BPIFA1: variants seen among roughly 807,000 people sequenced by gnomAD.
The protein encoded by BPIFA1 is BPI fold-containing family A member 1.
BPIFA1 carries 24 observed loss-of-function variants against 25.1 expected under a neutral mutation model. That is an observed-to-expected ratio of 0.96 (90% CI 0.69 to 1.35). The LOEUF is 1.35. Among genes scored for constraint, BPIFA1 ranks in the 40% most tolerant of loss-of-function variants. The pLI is 0.00. For missense variants in BPIFA1, 344 were observed against 303.7 expected (o/e 1.13, Z -0.99); for synonymous variants, 139 against 131.8 (o/e 1.05, Z -0.37).
chr20:33,239,307 T>C lies in BPIFA1; in HGVS notation c.321-496T>C, dbSNP rs544407447. The stretch of plus-strand genomic sequence containing the variant: ...GCCACCTGACAGGGTGAGTGATTCT[T>C]ACCCATAAATGTTTGTGCAGATTTA... On this transcript the variant is annotated intron_variant, in intron 3 of 8. Transcript: ENST00000354297. Among the ~76,000 whole-genome samples the C allele has an allele frequency of 4.6e-5, 7 of 152,344 alleles. No individual in the cohort carries two copies. In the South Asian group the frequency reaches 8.3e-4, roughly 18 times the overall value.
In BPIFA1 at chr20:33,239,837, G is replaced by A. The variant is rs551074214; in HGVS notation, c.355G>A (p.Gly119Ser). 6.2e-7 allele frequency: 1 copy of A among 1,614,204 alleles called. No homozygotes were observed. The highest frequency in any genetic ancestry group is 2.2e-5 in the East Asian group (1 of 44,888). ...CACTGACCCCCAGCTGCTGGAACTT[G>A]GCCTTGTGCAGAGCCCTGATGGCCA... ...KVTDPQLLEL[G>S]LVQSPDGHRL... The change falls in exon 4 of 9, where the codon GGC (glycine) becomes AGC (serine). Residue 119 changes from glycine to serine, a missense_variant. Physicochemically the swap from Gly to Ser is moderately conservative, Grantham distance 56 (BLOSUM62 0). Transcript: ENST00000354297.
chr20:33,237,910 GT>G, intron 2 of BPIFA1, 39 bp downstream of exon 2: 1 of 539,024 alleles, frequency 1.9e-6, no homozygotes, highest in South Asian at 3.5e-5. Context: ...GTGTGTGTGT[GT>G]GTGTGTGTGT....
chr20:33,242,465 T>G (rs1568632580), intron 7 of BPIFA1, 22 bp from the exon 8 acceptor site: 2 of 1,613,798 alleles, frequency 1.2e-6, no homozygotes, highest in Non-Finnish European at 8.5e-7. Context: ...TCTGTTTTTT[T>G]ATTGCTTGTT....
chr20:33,241,753 G>A (rs1978988303), intron 6 of BPIFA1, among the ~76,000 whole-genome samples: 1 of 152,128 alleles, frequency 6.6e-6, no homozygotes, highest in Non-Finnish European at 1.5e-5. Context: ...AGCCTTCTAT[G>A]GCCACAGACA....
rs1002910272 is a variant in BPIFA1 at position 33,241,477 on chromosome 20, G to A, written c.666+8G>A. ...GAGTTGGTTCAGGGCAACGTAAGTA[G>A]GCAAGGTGGGGATCCCCTGATCCTC... On this transcript the variant is annotated splice_region_variant and intron_variant, in intron 6 of 8. Coordinates refer to ENST00000354297, the MANE Select transcript of BPIFA1 (RefSeq NM_130852.3). The A allele has an allele frequency of 4.4e-6, 7 of 1,604,736 alleles. No homozygotes were observed. The South Asian group carries it at 4.4e-5, about 10-fold the overall frequency.
At chr20:33,242,408 C>T in intron 7 of BPIFA1, 79 bp from the exon 8 acceptor site, 3 of 1,543,786 alleles carry the variant, frequency 1.9e-6, no homozygotes, top group Non-Finnish European at 2.7e-6. Flanking sequence ...CCCTGGCCCC[C>T]CACCTTGAGG....
chr20:33,238,349 G>A lies in BPIFA1; in HGVS notation c.320+135G>A, dbSNP rs1269680395. 3.8e-6 allele frequency: 4 copies of A among 1,052,224 alleles called. No individual in the cohort carries two copies. The Admixed American group carries it at 1.1e-4, about 30-fold the overall frequency. 65.2% of individuals were successfully genotyped at this position (1,052,224 alleles called of 1,614,324 possible). The stretch of plus-strand genomic sequence containing the variant: ...GGCCTGAAGATGGAGCCAGGACTCA[G>A]TTCTGAGACCCATCTCCAGTTTGGC... On this transcript the variant is annotated intron_variant, in intron 3 of 8. Transcript: ENST00000354297.
At chr20:33,238,657 G>A (rs950601161) in intron 3 of BPIFA1, among the ~76,000 whole-genome samples, 2 of 152,186 alleles carry the variant, frequency 1.3e-5, no homozygotes, top group Non-Finnish European at 2.9e-5. Context: ...TTAGAACACA[G>A]ACGGCCTTTG....
chr20:33,238,357 A>C, intron 3 of BPIFA1, 143 bp downstream of exon 3: 1 of 994,002 alleles, frequency 1.0e-6, no homozygotes, highest in Non-Finnish European at 1.4e-6. Flanking sequence ...CAGTTCTGAG[A>C]CCCATCTCCA....
chr20:33,239,626 A>G (rs764969966), intron 3 of BPIFA1, among the ~76,000 whole-genome samples, 177 bp from the exon 4 acceptor site: 16 of 152,184 alleles, frequency 1.1e-4, no homozygotes, highest in Non-Finnish European at 2.1e-4. Context: ...GAGGCTGGAA[A>G]AGACCTAGTG....
chr20:33,241,254 G>T (rs537062373), intron 5 of BPIFA1, 131 bp from the exon 6 acceptor site: 2 of 814,558 alleles, frequency 2.5e-6, no homozygotes, highest in Non-Finnish European at 2.1e-6. Context: ...TGGCCTGCAC[G>T]TGGGTGTAGA....
rs776665784 is a variant in BPIFA1, at chr20:33,241,488, G to GA, written c.666+20dup. 72 of 1,589,618 alleles carry GA rather than the reference G, an allele frequency of 4.5e-5. No homozygotes were observed. The African/African-American group carries it at 9.0e-4, about 20-fold the overall frequency. On this transcript the variant is annotated intron_variant, in intron 6 of 8. Transcript: ENST00000354297. ...GGGCAACGTAAGTAGGCAAGGTGGG[G>GA]ATCCCCTGATCCTCAGGTTTTAGAG... is the stretch of plus-strand genomic sequence containing the variant.
In BPIFA1 at chr20:33,239,810, G is replaced by A. The variant is rs372326541; in HGVS notation, c.328G>A (p.Val110Ile). The A allele has an allele frequency of 1.9e-6, 3 of 1,613,910 alleles. No individual in the cohort carries two copies. The African/African-American group carries it at 4.0e-5, about 22-fold the overall frequency. Residue 110 changes from valine to isoleucine, a missense_variant, in exon 4 of 9, where the codon GTC (valine) becomes ATC (isoleucine). Coordinates refer to ENST00000354297, the MANE Select transcript of BPIFA1 (RefSeq NM_130852.3). ...ATATTACTCCCTGGACAGCATAAAG[G>A]TCACTGACCCCCAGCTGCTGGAACT... ...PGLNNIIDIK[V>I]TDPQLLELGL...
At chr20:33,238,287 T>TGACCCTGAAGCAGC (rs1225002711) in intron 3 of BPIFA1, 73 bp downstream of exon 3, 10 of 856,966 alleles carry the variant, frequency 1.2e-5, no homozygotes, top group African/African-American at 6.2e-5. Context: ...CCCCAGGCAG[T>TGACCCTGAAGCAGC]GACCCTGAAG....
rs757621515 is a variant in BPIFA1 at position 33,238,111 on chromosome 20, C to G, written c.217C>G (p.Leu73Val). ...GTTGGGCATTCTGGAAAACCTTCCG[C>G]TCCTGGACATCCTGAAGCCTGGAGG... The part of the protein sequence containing the change: ...GLLGILENLP[L>V]LDILKPGGGT... Residue 73 changes from leucine (L) to valine (V), a missense_variant, in exon 3 of 9, where the codon CTC (leucine) becomes GTC (valine). Transcript: ENST00000354297. 1.1e-5 allele frequency: 18 copies of G among 1,613,930 alleles called. No individual in the cohort carries two copies. In the South Asian group the frequency reaches 2.0e-4, roughly 18 times the overall value.
intron 5 of BPIFA1, 75 bp downstream of exon 5, chr20:33,240,460 G>T: frequency 6.5e-7 from 1 of 1,546,890 alleles, no homozygotes; most frequent in South Asian, 1.2e-5. Context: ...GGAAAGCTGA[G>T]ACAATGAGAG....
At chr20:33,242,593 G>T (rs563479994) in intron 8 of BPIFA1, 32 bp downstream of exon 8, 4 of 1,532,862 alleles carry the variant, frequency 2.6e-6, no homozygotes, top group East Asian at 4.5e-5. Flanking sequence ...CCAGGGTTTT[G>T]GGGGCTGGCT....
In BPIFA1 at chr20:33,241,463, G is replaced by A. The variant is rs772213279; in HGVS notation, c.660G>A (p.Gln220=). The A allele has an allele frequency of 4.3e-6, 7 of 1,612,998 alleles. No individual in the cohort carries two copies. The highest frequency in any genetic ancestry group is 1.7e-5 in the Admixed American group (1 of 60,014). Residue 220 remains glutamine (Q), a synonymous_variant, in exon 6 of 9, where the codon CAG becomes CAA. Coordinates refer to ENST00000354297, the MANE Select transcript of BPIFA1 (RefSeq NM_130852.3). ...ATAAAGTCCTGCCTGAGTTGGTTCA[G>A]GGCAACGTAAGTAGGCAAGGTGGGG... ...ILNKVLPELV[Q]GNVCPLVNEV... is the part of the protein sequence containing the mutation.
intron 7 of BPIFA1, 50 bp from the exon 8 acceptor site, chr20:33,242,437 T>G: frequency 6.2e-7 from 1 of 1,603,414 alleles, no homozygotes; most frequent in Non-Finnish European, 8.5e-7. Context: ...CTCCTTCACG[T>G]TGAGATCATA....
Sources: gnomAD v4.1 joint callset for allele counts (sites outside exome capture counted in the v4.1 genomes callset) on GRCh38, gnomAD v4.1.1 for gene constraint, MANE v1.5 for transcripts, NCBI Gene and HGNC (gene_info 2026-07-23, HGNC 2026-07-21) for gene names.